Variants in RRP15 observed in about 807,000 individuals in gnomAD.
The protein encoded by RRP15 is RRP15-like protein.
RRP15 carries 18 observed loss-of-function variants against 27.1 expected under a neutral mutation model. The observed-to-expected ratio is 0.66, with a 90% confidence interval of 0.46 to 0.98. RRP15 has a LOEUF of 0.98. Among genes scored for constraint, RRP15 ranks in the 50% least tolerant of loss-of-function variants. The pLI, the probability that RRP15 is intolerant of heterozygous loss-of-function variation, is 0.00. For synonymous variants in RRP15, 107 were observed against 109.4 expected, an observed-to-expected ratio of 0.98 and a Z score of 0.14; for missense variants, 359 against 337.8, an observed-to-expected ratio of 1.06 and a Z score of -0.49.
intron 1 of RRP15, among the ~76,000 whole-genome samples, chr1:218,291,633 G>A (rs184295335): frequency 3.5e-5 from 5 of 143,806 alleles, no homozygotes; most frequent in African/African-American, 1.3e-4. Flanking sequence ...CCAGGTTCAA[G>A]CAATTCTTCT....
chr1:218,305,231 G>A (rs207461151), intron 3 of RRP15, 106 bp downstream of exon 3: 6 of 779,396 alleles, frequency 7.7e-6, no homozygotes, highest in African/African-American at 1.8e-5. Flanking sequence ...TCAGAGCCAA[G>A]TGATATATAT....
intron 4 of RRP15, among the ~76,000 whole-genome samples, chr1:218,316,373 G>A (rs1656090193): frequency 6.6e-6 from 1 of 152,148 alleles, no homozygotes; most frequent in Non-Finnish European, 1.5e-5. Flanking sequence ...CTGCACAGAT[G>A]AGTCTATGCA....
At chr1:218,311,018 G>C (rs1049660143) in intron 4 of RRP15, among the ~76,000 whole-genome samples, 1 of 151,604 alleles carries the variant, frequency 6.6e-6, no homozygotes, top group Non-Finnish European at 1.5e-5. Flanking sequence ...CAAAGTGCTG[G>C]GATTACAGGC....
At chr1:218,289,680 T>C (rs1194754806) in intron 1 of RRP15, among the ~76,000 whole-genome samples, 1 of 151,710 alleles carries the variant, frequency 6.6e-6, no homozygotes, top group Non-Finnish European at 1.5e-5. Flanking sequence ...CTTGCCCGCA[T>C]CTCTCTCTCT....
chr1:218,302,313 G>T lies in RRP15; in HGVS notation c.159G>T (p.Lys53Asn), dbSNP rs374373318. Reference sequence around the variant, plus strand: ...CTATAGGAAGCTGTGGATCGGAAAAGGACCACTTTTATTCTGATGATGACG... The same window carrying T: ...CTATAGGAAGCTGTGGATCGGAAAATGACCACTTTTATTCTGATGATGACG... ...SDSEGSCGSE[K>N]DHFYSDDDAI... is the part of the protein sequence containing the mutation. Residue 53 changes from lysine (K) to asparagine (N), a missense_variant, in exon 2 of 5, where the codon AAG becomes AAT. By Grantham distance (94) the Lys-to-Asn change is moderately conservative. Coordinates refer to ENST00000366932, the MANE Select transcript of RRP15 (RefSeq NM_016052.4). 3.5e-5 allele frequency: 56 copies of T among 1,613,176 alleles called. No homozygotes were observed. Among genetic ancestry groups the T allele is most frequent in the Non-Finnish European group, 4.5e-5 (53 of 1,179,490 alleles).
intron 4 of RRP15, among the ~76,000 whole-genome samples, chr1:218,321,568 A>T (rs1256611825): frequency 1.3e-5 from 2 of 152,160 alleles, no homozygotes; most frequent in Non-Finnish European, 1.5e-5. Context: ...AAAATAATAA[A>T]TTTTTTATTT....
chr1:218,297,398 G>T (rs1294506534), intron 1 of RRP15, among the ~76,000 whole-genome samples: 1 of 152,188 alleles, frequency 6.6e-6, no homozygotes, highest in African/African-American at 2.4e-5. Flanking sequence ...CTGCATGTGT[G>T]TGTGGTGTGT....
chr1:218,321,892 G>C (rs1656193119), intron 4 of RRP15, among the ~76,000 whole-genome samples: 1 of 151,318 alleles, frequency 6.6e-6, no homozygotes, highest in Non-Finnish European at 1.5e-5. Context: ...GGTGCTCCAA[G>C]TATTTAAGAA....
chr1:218,316,366 C>T (rs1460674021), intron 4 of RRP15, among the ~76,000 whole-genome samples: 1 of 152,092 alleles, frequency 6.6e-6, no homozygotes. Context: ...AATTATCCTG[C>T]ACAGATGAGT....
intron 4 of RRP15, among the ~76,000 whole-genome samples, chr1:218,328,680 T>G (rs919117525): frequency 1.3e-5 from 2 of 152,076 alleles, no homozygotes; most frequent in Non-Finnish European, 1.5e-5. Flanking sequence ...AAAAAAATTT[T>G]TTTTTCCATG....
chr1:218,307,760 A>G lies in RRP15; in HGVS notation c.705+128A>G. 4 of 670,040 alleles carry G rather than the reference A, an allele frequency of 6.0e-6. No individual in the cohort carries two copies. The South Asian group carries it at 8.0e-5, about 13-fold the overall frequency. The allele number at this position is 670,040 out of a possible 1,614,324, so 41.5% of individuals were successfully genotyped here. A position where few individuals can be genotyped will look rare whatever the true frequency, so the allele number is the denominator to read the frequency against. The stretch of plus-strand genomic sequence containing the variant: ...TCCTAAATTTTATTAAAATTCCTCC[A>G]TGCCCGCAACCTTTAGAGATAGGGC... On this transcript the variant is annotated intron_variant, in intron 4 of 4. Coordinates refer to ENST00000366932, the MANE Select transcript of RRP15 (RefSeq NM_016052.4).
At chr1:218,318,451 A>G (rs557733607) in intron 4 of RRP15, among the ~76,000 whole-genome samples, 3 of 152,090 alleles carry the variant, frequency 2.0e-5, no homozygotes, top group Non-Finnish European at 4.4e-5. Context: ...AAGAATGAAT[A>G]ATGAATCCAG....
intron 1 of RRP15, among the ~76,000 whole-genome samples, chr1:218,296,506 C>T (rs537129190): frequency 1.1e-4 from 16 of 151,880 alleles, no homozygotes; most frequent in Non-Finnish European, 1.9e-4. Flanking sequence ...ATTAGCTCAG[C>T]GTGGTGGTGT....
chr1:218,323,172 CCTT>C (rs1049004752), intron 4 of RRP15, among the ~76,000 whole-genome samples: 42 of 152,206 alleles, frequency 2.8e-4, no homozygotes, highest in Admixed American at 1.4e-3. Flanking sequence ...GCTCTTCTCT[CCTT>C]CTTCTTTCCT....
intron 1 of RRP15, among the ~76,000 whole-genome samples, chr1:218,290,987 C>T (rs547091044): frequency 2.1e-5 from 3 of 145,500 alleles, no homozygotes; most frequent in South Asian, 4.2e-4. Flanking sequence ...AAAAAACTAG[C>T]TGGATATGGT....
chr1:218,295,527 A>C (rs1224359914), intron 1 of RRP15, among the ~76,000 whole-genome samples: 1 of 152,210 alleles, frequency 6.6e-6, no homozygotes, highest in East Asian at 1.9e-4. Flanking sequence ...TTATAACAAA[A>C]GACTTGATAA....
intron 1 of RRP15, among the ~76,000 whole-genome samples, chr1:218,297,407 G>C (rs141717720): frequency 2.6e-3 from 400 of 152,270 alleles, no homozygotes; most frequent in Middle Eastern, 0.017. Context: ...TGTGTGGTGT[G>C]TAATCAGCAT....
In RRP15 at chr1:218,335,218, G is replaced by C. The variant is rs1356635515; in HGVS notation, c.*4127G>C. The C allele has an allele frequency of 1.3e-5, 2 of 152,118 alleles. No homozygotes were observed. The highest frequency in any genetic ancestry group is 2.9e-5 in the Non-Finnish European group (2 of 68,012). 9.4% of individuals were successfully genotyped at this position (152,118 alleles called of 1,614,324 possible). A position where few individuals can be genotyped will look rare whatever the true frequency, so the allele number is the denominator to read the frequency against. ...TACTGAACATAATTTCAGGGAGTTA[G>C]TATTTAGGACTTTTTACCTAGAGAT... On this transcript the variant is annotated 3_prime_UTR_variant, in exon 5 of 5. Coordinates refer to ENST00000366932, the MANE Select transcript of RRP15 (RefSeq NM_016052.4).
intron 2 of RRP15, among the ~76,000 whole-genome samples, chr1:218,302,894 G>A (rs140226444): frequency 2.3e-3 from 346 of 151,434 alleles, no homozygotes; most frequent in African/African-American, 8.0e-3. Context: ...ATTAGGTTGT[G>A]AACTAAGAAG....
Sources: gnomAD v4.1 joint callset for allele counts (sites outside exome capture counted in the v4.1 genomes callset) on GRCh38, gnomAD v4.1.1 for gene constraint, MANE v1.5 for transcripts, NCBI Gene and HGNC (gene_info 2026-07-23, HGNC 2026-07-21) for gene names.